Variants in ZDHHC14 observed in about 807,000 individuals in gnomAD.
ZDHHC14 encodes palmitoyltransferase ZDHHC14.
Under a neutral mutation model 47.7 loss-of-function variants are expected in ZDHHC14, and 16 were observed. The observed-to-expected ratio is 0.34, with a 90% CI of 0.23 to 0.51. The LOEUF (loss-of-function observed/expected upper bound fraction) is 0.51. Ranked by LOEUF, ZDHHC14 falls within the 20% of genes least tolerant of loss-of-function variation. ZDHHC14 has a pLI of 0.97. For synonymous variants in ZDHHC14, 293 were observed against 278.9 expected, an observed-to-expected ratio of 1.05 and a Z score of -0.50; for missense variants, 515 against 662.5, an observed-to-expected ratio of 0.78 and a Z score of 2.44.
intron 2 of ZDHHC14, among the ~76,000 whole-genome samples, chr6:157,587,245 G>A (rs1294104015): frequency 6.6e-6 from 1 of 152,176 alleles, no homozygotes; most frequent in African/African-American, 2.4e-5. Flanking sequence ...ATTAATCTAG[G>A]CCTCAGTGGC....
chr6:157,515,754 C>T (rs1359163298), intron 1 of ZDHHC14, among the ~76,000 whole-genome samples: 4 of 152,032 alleles, frequency 2.6e-5, no homozygotes, highest in African/African-American at 7.2e-5. Context: ...CGTGAGCCAC[C>T]GCGCCCGGCC....
At chr6:157,383,695 T>C (rs1240641845) in intron 1 of ZDHHC14, among the ~76,000 whole-genome samples, 1 of 152,204 alleles carries the variant, frequency 6.6e-6, no homozygotes, top group African/African-American at 2.4e-5. Flanking sequence ...ACAACTCCTC[T>C]TCCCCATTTC....
chr6:157,446,244 G>A (rs1357129415), intron 1 of ZDHHC14, among the ~76,000 whole-genome samples: 1 of 151,978 alleles, frequency 6.6e-6, no homozygotes, highest in African/African-American at 2.4e-5. Context: ...TTGCTCCATC[G>A]AGGCACACTC....
intron 1 of ZDHHC14, among the ~76,000 whole-genome samples, chr6:157,415,274 C>T (rs575922856): frequency 2.6e-5 from 4 of 152,140 alleles, no homozygotes; most frequent in African/African-American, 9.6e-5. Context: ...TCATAACAAG[C>T]TACTGATACT....
At chr6:157,466,632 G>A (rs1779224791) in intron 1 of ZDHHC14, among the ~76,000 whole-genome samples, 1 of 152,160 alleles carries the variant, frequency 6.6e-6, no homozygotes, top group South Asian at 2.1e-4. Context: ...GAGGCCAGGA[G>A]TTCGACACTA....
intron 3 of ZDHHC14, among the ~76,000 whole-genome samples, chr6:157,627,109 C>T (rs898387731): frequency 6.6e-6 from 1 of 152,116 alleles, no homozygotes; most frequent in African/African-American, 2.4e-5. Flanking sequence ...CTTCCTCTGC[C>T]GCCACTATCA....
At chr6:157,526,156 A>G (rs1203599882) in intron 1 of ZDHHC14, among the ~76,000 whole-genome samples, 1 of 152,216 alleles carries the variant, frequency 6.6e-6, no homozygotes, top group Non-Finnish European at 1.5e-5. Flanking sequence ...GCAGGAAGGA[A>G]ATACTATTTA....
chr6:157,525,152 ATTTTGTT>A (rs1180059077), intron 1 of ZDHHC14, among the ~76,000 whole-genome samples: 15 of 151,560 alleles, frequency 9.9e-5, no homozygotes, highest in Admixed American at 7.2e-4. Context: ...TAGGGCTGGG[ATTTTGTT>A]TTTTGTTTTT....
At position 157,676,628 on chromosome 6, in the gene ZDHHC14, G is replaced by C. The variant is rs1272409970; in HGVS notation, c.*3506G>C. 6.6e-6 allele frequency: 1 copy of C among 152,290 alleles called. No individual in the cohort carries two copies. The highest frequency in any genetic ancestry group is 1.5e-5 in the Non-Finnish European group (1 of 68,088). The allele number at this position is 152,290 out of a possible 1,614,324, so 9.4% of individuals were successfully genotyped here. The stretch of plus-strand genomic sequence containing the variant: ...AAGAAAAATGAACTTGCCAAAATTG[G>C]CAGTAGGTGTCCTTGACACAGGGGC... On this transcript the variant is annotated 3_prime_UTR_variant, in exon 9 of 9. Transcript: ENST00000359775.
At chr6:157,392,681 C>T (rs1407854999) in intron 1 of ZDHHC14, among the ~76,000 whole-genome samples, 3 of 149,334 alleles carry the variant, frequency 2.0e-5, no homozygotes, top group African/African-American at 7.6e-5. Context: ...GTGTTCATCC[C>T]CCTTGACTCC....
At chr6:157,647,208 G>C in intron 6 of ZDHHC14, 51 bp from the exon 7 acceptor site, 1 of 1,288,018 alleles carries the variant, frequency 7.8e-7, no homozygotes, top group South Asian at 1.2e-5. Context: ...CACCTCAACT[G>C]TGCGTTGGTG....
intron 1 of ZDHHC14, among the ~76,000 whole-genome samples, chr6:157,528,868 A>G (rs1214255320): frequency 6.6e-6 from 1 of 150,784 alleles, no homozygotes; most frequent in African/African-American, 2.4e-5. Flanking sequence ...GCATTAATTA[A>G]TTAATTTAAA....
At chr6:157,584,107 C>T (rs1783607220) in intron 2 of ZDHHC14, among the ~76,000 whole-genome samples, 1 of 152,192 alleles carries the variant, frequency 6.6e-6, no homozygotes, top group Admixed American at 6.5e-5. Flanking sequence ...AGGCAGCACC[C>T]TTGCAATGGC....
chr6:157,409,245 G>A (rs1229583065), intron 1 of ZDHHC14, among the ~76,000 whole-genome samples: 2 of 152,234 alleles, frequency 1.3e-5, no homozygotes, highest in Non-Finnish European at 2.9e-5. Flanking sequence ...CCAGGGGGAT[G>A]TGGGTGTGTT....
At chr6:157,449,893 C>T (rs1211850948) in intron 1 of ZDHHC14, among the ~76,000 whole-genome samples, 2 of 152,168 alleles carry the variant, frequency 1.3e-5, no homozygotes, top group Non-Finnish European at 2.9e-5. Context: ...TGAATTGCAG[C>T]TTTCCCCCTT....
intron 5 of ZDHHC14, among the ~76,000 whole-genome samples, chr6:157,635,951 T>C (rs1201971207): frequency 6.6e-6 from 1 of 152,196 alleles, no homozygotes; most frequent in African/African-American, 2.4e-5. Flanking sequence ...CCTTTCCAAA[T>C]AGTGTTTCCT....
rs1228383160 is a variant in ZDHHC14 at position 157,382,282 on chromosome 6, C to T, written c.245+16C>T. On this transcript the variant is annotated intron_variant, in intron 1 of 8. Coordinates refer to ENST00000359775, the MANE Select transcript of ZDHHC14 (RefSeq NM_024630.3). Reference sequence around the variant, plus strand: ...TCGCCTTCGAGTAAGTGGTGGCGACCGCTCCCCCGACGCCGCACTCCCCTG... The same window carrying T: ...TCGCCTTCGAGTAAGTGGTGGCGACTGCTCCCCCGACGCCGCACTCCCCTG... The T allele has an allele frequency of 1.2e-6, 2 of 1,609,544 alleles. No individual in the cohort carries two copies. Among genetic ancestry groups the T allele is most frequent in the Non-Finnish European group, 1.7e-6 (2 of 1,178,310 alleles).
chr6:157,429,896 T>C (rs1422359211), intron 1 of ZDHHC14, among the ~76,000 whole-genome samples: 1 of 152,076 alleles, frequency 6.6e-6, no homozygotes, highest in Non-Finnish European at 1.5e-5. Flanking sequence ...TTCAGGATGA[T>C]AGAGAATCTT....
intron 7 of ZDHHC14, among the ~76,000 whole-genome samples, chr6:157,649,469 C>T (rs1243726294): frequency 1.3e-5 from 2 of 152,344 alleles, no homozygotes; most frequent in Non-Finnish European, 2.9e-5. Flanking sequence ...CCTCTCGTCC[C>T]CTCTTGCCTT....
Sources: gnomAD v4.1 joint callset for allele counts (sites outside exome capture counted in the v4.1 genomes callset) on GRCh38, gnomAD v4.1.1 for gene constraint, MANE v1.5 for transcripts, NCBI Gene and HGNC (gene_info 2026-07-23, HGNC 2026-07-21) for gene names.